CACNB2: variants seen among roughly 807,000 people sequenced by gnomAD.
The protein encoded by CACNB2 is voltage-dependent L-type calcium channel subunit beta-2.
In CACNB2, 42 loss-of-function variants were observed where a neutral mutation model predicts 73.3. The observed-to-expected ratio is 0.57, with a 90% CI of 0.45 to 0.74. CACNB2 has a LOEUF of 0.74. Among genes scored for constraint, CACNB2 ranks in the 30% least tolerant of loss-of-function variants. The pLI, the probability that CACNB2 is intolerant of heterozygous loss-of-function variation, is 0.00. For synonymous variants in CACNB2, 348 were observed against 310.3 expected (o/e 1.12, Z -1.28); for missense variants, 940 against 853.0 (o/e 1.10, Z -1.27).
intron 2 of CACNB2, among the ~76,000 whole-genome samples, chr10:18,337,648 C>T (rs1454445345): frequency 6.6e-6 from 1 of 151,816 alleles, no homozygotes; most frequent in Non-Finnish European, 1.5e-5. Flanking sequence ...ATAAAGTTGC[C>T]CCTTCCCCTC....
intron 3 of CACNB2, among the ~76,000 whole-genome samples, chr10:18,482,847 C>T (rs2048856677): frequency 6.6e-6 from 1 of 152,112 alleles, no homozygotes; most frequent in Admixed American, 6.5e-5. Flanking sequence ...AGAGTTACTA[C>T]ATGTTATTCT....
rs2046506458 is a variant in CACNB2 at position 18,442,950 on chromosome 10, A to G, written c.333+40907A>G. ...TGTATATATATATATATGTGTATAT[A>G]TATATATGTATATATATATGTGTAT... On this transcript the variant is annotated intron_variant, in intron 3 of 13. Transcript: ENST00000324631. Among the ~76,000 whole-genome samples the G allele has an allele frequency of 2.7e-4, 6 of 22,034 alleles. No individual in the cohort carries two copies. In the South Asian group the frequency reaches 6.0e-3, roughly 22 times the overall value. The allele number at this position is 22,034 out of a possible 152,430, so 14.5% of individuals were successfully genotyped here.
At chr10:18,532,342 T>C in intron 10 of CACNB2, among the ~76,000 whole-genome samples, 1 of 151,808 alleles carries the variant, frequency 6.6e-6, no homozygotes, top group East Asian at 1.9e-4. Flanking sequence ...TATCCATATA[T>C]GTAATATATT....
intron 11 of CACNB2, 120 bp downstream of exon 11, chr10:18,534,347 A>G: frequency 1.1e-6 from 1 of 917,218 alleles, no homozygotes; most frequent in Non-Finnish European, 1.8e-6. Flanking sequence ...ATTTGAGGAG[A>G]CATGATAGTC....
intron 2 of CACNB2, among the ~76,000 whole-genome samples, chr10:18,171,160 TG>T (rs1564313985): frequency 6.6e-6 from 1 of 152,180 alleles, no homozygotes; most frequent in Non-Finnish European, 1.5e-5. Flanking sequence ...TGGGTAGATC[TG>T]TTAAGGACAT....
At position 18,452,825 on chromosome 10, in the gene CACNB2, A is replaced by G. The variant is rs138962175; in HGVS notation, c.334-45530A>G. Among the ~76,000 whole-genome samples, 64 of 152,362 alleles carry G rather than the reference A, an allele frequency of 4.2e-4. 1 individual carries two copies. In the East Asian group the frequency reaches 0.011, roughly 26 times the overall value. ...CTGGCTGCTTTTGCTGACTCTAGTC[A>G]TTCCTTAATGAGTATACCTGGTAGA... On this transcript the variant is annotated intron_variant, in intron 3 of 13. Transcript: ENST00000324631.
At chr10:18,456,110 A>C (rs2047265391) in intron 3 of CACNB2, among the ~76,000 whole-genome samples, 1 of 152,268 alleles carries the variant, frequency 6.6e-6, no homozygotes, top group Non-Finnish European at 1.5e-5. Flanking sequence ...TATTTAATGG[A>C]ATCTTTACTT....
intron 2 of CACNB2, among the ~76,000 whole-genome samples, chr10:18,312,618 G>A (rs2040004716): frequency 6.6e-6 from 1 of 152,140 alleles, no homozygotes; most frequent in Admixed American, 6.5e-5. Context: ...GATGCAGGGA[G>A]GAAGAGCTGT....
At chr10:18,148,172 T>C (rs1257255732) in intron 1 of CACNB2, among the ~76,000 whole-genome samples, 1 of 152,150 alleles carries the variant, frequency 6.6e-6, no homozygotes, top group Non-Finnish European at 1.5e-5. Context: ...ATGAAGCATA[T>C]ATATTTATTT....
chr10:18,468,003 C>T (rs2047988985), intron 3 of CACNB2, among the ~76,000 whole-genome samples: 1 of 152,118 alleles, frequency 6.6e-6, no homozygotes, highest in Non-Finnish European at 1.5e-5. Flanking sequence ...TGAATGAATT[C>T]ACAATGTATG....
chr10:18,261,225 G>T, intron 2 of CACNB2: 1 of 1,550,402 alleles, frequency 6.4e-7, no homozygotes, highest in Non-Finnish European at 8.7e-7. Context: ...AAGGCACAGT[G>T]CAGCTTGGTG....
chr10:18,414,627 G>A (rs1182011846), intron 3 of CACNB2, among the ~76,000 whole-genome samples: 2 of 151,742 alleles, frequency 1.3e-5, no homozygotes, highest in Non-Finnish European at 2.9e-5. Flanking sequence ...TAGGATTACA[G>A]GTGTGCACCA....
intron 3 of CACNB2, among the ~76,000 whole-genome samples, chr10:18,442,546 G>A (rs2046462573): frequency 6.6e-6 from 1 of 151,766 alleles, no homozygotes; most frequent in Non-Finnish European, 1.5e-5. Flanking sequence ...AAATAAGTAG[G>A]CTGTGCACAG....
At chr10:18,342,373 A>T (rs1479779062) in intron 2 of CACNB2, among the ~76,000 whole-genome samples, 1 of 152,208 alleles carries the variant, frequency 6.6e-6, no homozygotes, top group Non-Finnish European at 1.5e-5. Context: ...CACACCTGTA[A>T]TCCCAAAAGT....
chr10:18,444,392 C>T (rs1038698560), intron 3 of CACNB2, among the ~76,000 whole-genome samples: 1 of 152,200 alleles, frequency 6.6e-6, no homozygotes, highest in African/African-American at 2.4e-5. Flanking sequence ...CAGCAAGTTA[C>T]TGAATTGATT....
chr10:18,276,740 G>A lies in CACNB2; in HGVS notation c.214-125184G>A, dbSNP rs57727291. 2.6e-5 allele frequency among the ~76,000 whole-genome samples: 4 copies of A among 152,138 alleles called. No individual in the cohort carries two copies. The East Asian group carries it at 5.8e-4, about 22-fold the overall frequency. The stretch of plus-strand genomic sequence containing the variant: ...ATTATAGGCATGTGCCACCACACCC[G>A]GCTAATTTTTGTATTTTTAGTAGAG... On this transcript the variant is annotated intron_variant, in intron 2 of 13. Coordinates refer to ENST00000324631, the MANE Select transcript of CACNB2 (RefSeq NM_201596.3).
chr10:18,352,587 G>T (rs1395527862), intron 2 of CACNB2, among the ~76,000 whole-genome samples: 1 of 152,164 alleles, frequency 6.6e-6, no homozygotes, highest in Non-Finnish European at 1.5e-5. Context: ...CCCACTTGTT[G>T]CTTTGGAAGA....
intron 11 of CACNB2, 102 bp from the exon 12 acceptor site, chr10:18,535,999 G>A (rs571689654): frequency 2.8e-6 from 2 of 718,974 alleles, no homozygotes; most frequent in Non-Finnish European, 5.1e-6. Flanking sequence ...TAAGCCCCTT[G>A]TGCTGTATAT....
At position 18,439,579 on chromosome 10, in the gene CACNB2, G is replaced by A. The variant is rs150044949; in HGVS notation, c.333+37536G>A. ...GTATTCTGAATTGCTTTCCTCTGGA[G>A]ACATTAATTTCCCCACCTCCCGCTA... On this transcript the variant is annotated intron_variant, in intron 3 of 13. Coordinates refer to ENST00000324631, the MANE Select transcript of CACNB2 (RefSeq NM_201596.3). Among the ~76,000 whole-genome samples the A allele has an allele frequency of 1.6e-3, 246 of 152,314 alleles. 2 individuals are homozygous for A. The highest frequency in any genetic ancestry group is 5.8e-3 in the African/African-American group (239 of 41,562).
Sources: gnomAD v4.1 joint callset for allele counts (sites outside exome capture counted in the v4.1 genomes callset) on GRCh38, gnomAD v4.1.1 for gene constraint, MANE v1.5 for transcripts, NCBI Gene and HGNC (gene_info 2026-07-23, HGNC 2026-07-21) for gene names.